TTC7A: variants seen among roughly 807,000 people sequenced by gnomAD.
TTC7A encodes the protein tetratricopeptide repeat domain 7A, also known as tetratricopeptide repeat protein 7A.
TTC7A carries 110 observed loss-of-function variants against 103.7 expected under a neutral mutation model. That is an observed-to-expected ratio of 1.06 (90% CI 0.91 to 1.24). The LOEUF is 1.24. TTC7A is among the 50% of genes most tolerant of loss of function. The probability of loss-of-function intolerance (pLI) is 0.00; values close to 1 mark genes in which losing one functional copy is unlikely to be tolerated. For synonymous variants in TTC7A, 521 were observed against 467.9 expected (o/e 1.11, Z -1.47); for missense variants, 1,340 against 1,116.3 (o/e 1.20, Z -2.86).
chr2:47,073,485 G>C (rs371484079), intron 19 of TTC7A, among the ~76,000 whole-genome samples: 4 of 152,174 alleles, frequency 2.6e-5, no homozygotes, highest in African/African-American at 9.7e-5. Context: ...CCTGCAGTGG[G>C]TTTCCCAGGA....
At chr2:47,004,267 G>A (rs931486170) in intron 8 of TTC7A, among the ~76,000 whole-genome samples, 2 of 152,232 alleles carry the variant, frequency 1.3e-5, no homozygotes, top group African/African-American at 4.8e-5. Flanking sequence ...TGTCCCCCAG[G>A]GTGAGTCACT....
At chr2:46,994,556 C>T in intron 7 of TTC7A, 42 bp downstream of exon 7, 1 of 1,601,730 alleles carries the variant, frequency 6.2e-7, no homozygotes. Context: ...AGTCTCACAT[C>T]TCACGCAGGG....
At chr2:46,960,085 T>C (rs1190879162) in intron 3 of TTC7A, among the ~76,000 whole-genome samples, 1 of 152,188 alleles carries the variant, frequency 6.6e-6, no homozygotes, top group Non-Finnish European at 1.5e-5. Flanking sequence ...GTCACACATG[T>C]GCTCAGACTG....
rs1558492909 is a variant in TTC7A at position 46,944,375 on chromosome 2, T to TA, written c.184+2650_184+2651insA. Among the ~76,000 whole-genome samples the TA allele has an allele frequency of 4.7e-4, 6 of 12,876 alleles. No individual in the cohort carries two copies. The Admixed American group carries it at 9.0e-3, about 19-fold the overall frequency. The allele number at this position is 12,876 out of a possible 152,430, so 8.4% of individuals were successfully genotyped here. On this transcript the variant is annotated intron_variant, in intron 1 of 19. Transcript: ENST00000319190. ...TAAATAAGAACTCTGGTATTTTGGG[T>TA]TTTTTTTTTTTTTTTTTTTTTTGAG...
chr2:47,009,721 T>TG (rs764914286), intron 10 of TTC7A, among the ~76,000 whole-genome samples: 1 of 151,686 alleles, frequency 6.6e-6, no homozygotes, highest in Non-Finnish European at 1.5e-5. Context: ...AGCTAATTAA[T>TG]GGGGGGTTGC....
chr2:46,932,900 C>CAAAAAAA, intron 2 of TTC7A, among the ~76,000 whole-genome samples: 1 of 69,420 alleles, frequency 1.4e-5, no homozygotes, highest in African/African-American at 5.2e-5. Context: ...GACTCCATCT[C>CAAAAAAA]AAAAAAAAAA....
intron 11 of TTC7A, among the ~76,000 whole-genome samples, chr2:47,019,085 C>T (rs1293744507): frequency 6.6e-6 from 1 of 152,152 alleles, no homozygotes; most frequent in Admixed American, 6.5e-5. Context: ...CATTATTCTC[C>T]CCTTTTGCCA....
At position 47,073,892 on chromosome 2, in the gene TTC7A, T is replaced by C. The variant is rs1684995906; in HGVS notation, c.2546T>C (p.Leu849Pro). 6 of 1,613,024 alleles carry C rather than the reference T, an allele frequency of 3.7e-6. No individual in the cohort carries two copies. Among genetic ancestry groups the C allele is most frequent in the Non-Finnish European group, 5.1e-6 (6 of 1,179,926 alleles). Residue 849 changes from leucine (L) to proline (P), a missense_variant, in exon 20 of 20, where the codon CTG (leucine) becomes CCG (proline). By Grantham distance (98) the Leu-to-Pro change is moderately conservative (BLOSUM62 -3). Coordinates refer to ENST00000319190, the MANE Select transcript of TTC7A (RefSeq NM_020458.4). Reference protein sequence around the residue: ...ALELEASSPVLPFSIIPREL With the variant: ...ALELEASSPVPPFSIIPREL ...GAGCTGGAGGCCAGCAGCCCTGTAC[T>C]GCCCTTCTCCATCATCCCCAGAGAG...
At chr2:46,931,254 A>C (rs912221957) in intron 2 of TTC7A, among the ~76,000 whole-genome samples, 1 of 152,200 alleles carries the variant, frequency 6.6e-6, no homozygotes, top group Non-Finnish European at 1.5e-5. Flanking sequence ...AATTAAAAAA[A>C]ATTTTCTTTT....
intron 1 of TTC7A, among the ~76,000 whole-genome samples, chr2:46,947,138 C>T (rs373728657): frequency 6.6e-6 from 1 of 152,286 alleles, no homozygotes; most frequent in East Asian, 1.9e-4. Flanking sequence ...TTTGAAATTA[C>T]CAGCAGCTCC....
chr2:47,024,463 C>A lies in TTC7A; in HGVS notation c.1641+104C>A, dbSNP rs113799373. On this transcript the variant is annotated intron_variant, in intron 14 of 19. Transcript: ENST00000319190. ...TGACCCTCTGCAAGTGACTTTGCCT[C>A]CCTGAGTTTGTTTCCTTATCTGTCA... The A allele has an allele frequency of 3.6e-5, 38 of 1,060,968 alleles. 1 individual carries two copies. In the African/African-American group the frequency reaches 3.8e-4, roughly 10 times the overall value. The allele number at this position is 1,060,968 out of a possible 1,614,324, so 65.7% of individuals were successfully genotyped here.
intron 1 of TTC7A, among the ~76,000 whole-genome samples, chr2:46,948,586 A>G (rs1477627476): frequency 6.6e-6 from 1 of 152,028 alleles, no homozygotes; most frequent in Non-Finnish European, 1.5e-5. Flanking sequence ...TCTGTGGGGA[A>G]TCTCCCTTAC....
At chr2:46,930,517 T>TG (rs145556823) in intron 2 of TTC7A, among the ~76,000 whole-genome samples, 1,490 of 145,822 alleles carry the variant, frequency 0.01, 23 homozygotes, top group African/African-American at 0.037. Context: ...TTTTTTTTTT[T>TG]AGACAAAGTC....
intron 18 of TTC7A, 70 bp downstream of exon 18, chr2:47,051,950 T>C: frequency 6.6e-7 from 1 of 1,519,488 alleles, no homozygotes; most frequent in Non-Finnish European, 8.9e-7. Flanking sequence ...AGCCCTGTCC[T>C]GGAGAAGGGA....
chr2:46,994,906 T>C (rs993136489), intron 7 of TTC7A, among the ~76,000 whole-genome samples: 2 of 152,154 alleles, frequency 1.3e-5, no homozygotes, highest in African/African-American at 4.8e-5. Context: ...GGGAGGAATG[T>C]TTCCTCCCTG....
intron 15 of TTC7A, among the ~76,000 whole-genome samples, chr2:47,038,982 C>G (rs1180683611): frequency 6.6e-6 from 1 of 152,164 alleles, no homozygotes; most frequent in African/African-American, 2.4e-5. Flanking sequence ...GAAGACAGGT[C>G]TGACAACAGC....
chr2:47,038,389 G>T (rs546967235), intron 15 of TTC7A, among the ~76,000 whole-genome samples: 7 of 152,202 alleles, frequency 4.6e-5, no homozygotes, highest in Non-Finnish European at 1.0e-4. Flanking sequence ...ACTTGGTGCA[G>T]CCCAGGCTGG....
At chr2:47,004,137 G>T (rs187797890) in intron 8 of TTC7A, among the ~76,000 whole-genome samples, 1 of 152,126 alleles carries the variant, frequency 6.6e-6, no homozygotes, top group Non-Finnish European at 1.5e-5. Flanking sequence ...CGGGATTTCC[G>T]GGCATCCCGG....
At chr2:46,990,172 C>G (rs1255557879) in intron 5 of TTC7A, among the ~76,000 whole-genome samples, 1 of 152,222 alleles carries the variant, frequency 6.6e-6, no homozygotes, top group Non-Finnish European at 1.5e-5. Context: ...TCAGCCAGTT[C>G]TTTTCTCTTC....
Sources: gnomAD v4.1 joint callset for allele counts (sites outside exome capture counted in the v4.1 genomes callset) on GRCh38, gnomAD v4.1.1 for gene constraint, MANE v1.5 for transcripts, NCBI Gene and HGNC (gene_info 2026-07-23, HGNC 2026-07-21) for gene names.